Variants in MYO16 observed in about 807,000 individuals in gnomAD.
MYO16 encodes the protein unconventional myosin-XVI.
A neutral mutation model predicts 205.3 loss-of-function variants in MYO16; 94 were observed. The ratio of observed to expected loss-of-function variants is 0.46; its 90% CI spans 0.39 to 0.54. MYO16 has a LOEUF of 0.54. Ranked by LOEUF, MYO16 falls within the 20% of genes least tolerant of loss-of-function variation. MYO16 has a pLI of 0.00. For synonymous variants in MYO16, 988 were observed against 954.0 expected, an observed-to-expected ratio of 1.04 and a Z score of -0.66; for missense variants, 2,315 against 2,387.5, an observed-to-expected ratio of 0.97 and a Z score of 0.63.
intron 28 of MYO16, among the ~76,000 whole-genome samples, chr13:109,116,623 T>TTCAAC (rs1875701794): frequency 6.6e-6 from 1 of 152,198 alleles, no homozygotes; most frequent in Admixed American, 6.5e-5. Flanking sequence ...TCAACCTCTG[T>TTCAAC]GTCTACTCTT....
intron 2 of MYO16, among the ~76,000 whole-genome samples, chr13:108,676,704 A>G (rs1366036167): frequency 6.6e-6 from 1 of 152,192 alleles, no homozygotes; most frequent in Non-Finnish European, 1.5e-5. Flanking sequence ...GCTGCAAGTT[A>G]CGGGACAAAC....
chr13:108,809,253 A>G (rs2138988526), intron 7 of MYO16, among the ~76,000 whole-genome samples: 1 of 152,336 alleles, frequency 6.6e-6, no homozygotes, highest in African/African-American at 2.4e-5. Context: ...GCTACAAAAC[A>G]TTTGACCTGA....
At chr13:108,840,983 C>T (rs9514930) in intron 9 of MYO16, among the ~76,000 whole-genome samples, 15,745 of 152,184 alleles carry the variant, frequency 0.1, 1,063 homozygotes, top group Non-Finnish European at 0.15. Flanking sequence ...ACTGATTTAT[C>T]AATTGAATGC....
intron 32 of MYO16, among the ~76,000 whole-genome samples, chr13:109,153,745 C>T (rs549475620): frequency 4.6e-5 from 7 of 151,942 alleles, no homozygotes; most frequent in East Asian, 1.9e-4. Context: ...GGCGACAGGG[C>T]GAGACTCTGT....
intron 9 of MYO16, among the ~76,000 whole-genome samples, chr13:108,824,682 T>A (rs1022120323): frequency 4.6e-5 from 7 of 152,092 alleles, no homozygotes; most frequent in African/African-American, 1.4e-4. Flanking sequence ...TTCTTTTCAA[T>A]TGAACATGGA....
intron 23 of MYO16, among the ~76,000 whole-genome samples, chr13:109,041,818 A>C (rs1886892104): frequency 6.6e-6 from 1 of 152,004 alleles, no homozygotes; most frequent in African/African-American, 2.4e-5. Flanking sequence ...TAGACACAAT[A>C]AAGGGCATAA....
chr13:109,057,196 T>C (rs1024024862), intron 27 of MYO16, among the ~76,000 whole-genome samples: 1 of 152,206 alleles, frequency 6.6e-6, no homozygotes, highest in Non-Finnish European at 1.5e-5. Flanking sequence ...CATTTACTTA[T>C]TGTGCATTTT....
Position 109,127,343 on chromosome 13 carries a change from G to A in MYO16, c.3844G>A (p.Val1282Met), listed in dbSNP as rs754862905. 25 of 1,612,548 alleles carry A rather than the reference G, an allele frequency of 1.6e-5. No individual in the cohort carries two copies. The South Asian group carries it at 2.6e-4, about 17-fold the overall frequency. The change falls in exon 31 of 35, where the codon GTG (valine) becomes ATG (methionine). Residue 1282 changes from valine to methionine, a missense_variant. Val to Met is a conservative substitution (Grantham distance 21). This residue lies in a region of MYO16 where 1,097 missense variants were observed against 1,092.0 expected (regional missense o/e 1.00). Transcript: ENST00000457511. This position sits in a 1 kb window ranked among gnomAD's most constrained non-coding sequence, Gnocchi z 4.2. ...CAGCTCCATGTCAGTCTGCGCGGCC[G>A]TGGATGGCCTGGGCCAGTGCCTCGT... ...HPSSMSVCAA[V>M]DGLGQCLVGP...
intron 31 of MYO16, among the ~76,000 whole-genome samples, chr13:109,129,153 G>A (rs1022778553): frequency 1.6e-4 from 24 of 149,846 alleles, no homozygotes; most frequent in Non-Finnish European, 1.5e-5. Context: ...ACTCTTCAAA[G>A]TGCTTTTTAT....
intron 34 of MYO16, among the ~76,000 whole-genome samples, chr13:109,195,240 T>C (rs1372385113): frequency 3.3e-5 from 5 of 152,168 alleles, no homozygotes. Context: ...ATAAAACTTT[T>C]AACGTGCCTT....
rs1286891149 is a variant in MYO16, at chr13:108,985,957, G to T, written c.2370-6419G>T. ...AGACTGGGTAATTTATTAAGAAAAA[G>T]AGGTTTAATGGACTCACAGTTCCAC... On this transcript the variant is annotated intron_variant, in intron 20 of 34. Coordinates refer to ENST00000457511, the MANE Select transcript of MYO16 (RefSeq NM_001198950.3). Among the ~76,000 whole-genome samples the T allele has an allele frequency of 2.6e-5, 4 of 152,278 alleles. No individual in the cohort carries two copies. The East Asian group carries it at 7.7e-4, about 29-fold the overall frequency.
chr13:109,053,919 T>C (rs1305171724), intron 25 of MYO16, among the ~76,000 whole-genome samples: 7 of 152,080 alleles, frequency 4.6e-5, no homozygotes, highest in Admixed American at 4.6e-4. Context: ...TCACTTTAGA[T>C]TGACAGTACA....
At chr13:109,155,222 C>G (rs1333389428) in intron 32 of MYO16, among the ~76,000 whole-genome samples, 3 of 152,152 alleles carry the variant, frequency 2.0e-5, no homozygotes, top group Non-Finnish European at 4.4e-5. Flanking sequence ...CCATCTCCTT[C>G]GACTTGGCGG....
chr13:108,561,555 A>G, the MYO16 span, among the ~76,000 whole-genome samples: 3 of 152,366 alleles, frequency 2.0e-5, no homozygotes, highest in East Asian at 5.8e-4. Flanking sequence ...GAGGTTAGGT[A>G]TTATAAAGTG....
chr13:109,128,168 C>T (rs146583902), intron 31 of MYO16, among the ~76,000 whole-genome samples: 64 of 152,232 alleles, frequency 4.2e-4, no homozygotes, highest in East Asian at 2.3e-3. Context: ...TGCTTCTTAG[C>T]GGAACACTTA....
Position 109,055,244 on chromosome 13 carries a change from CAT to C in MYO16, c.3129+120_3129+121del, listed in dbSNP as rs1031391399. On this transcript the variant is annotated intron_variant, in intron 26 of 34. Coordinates refer to ENST00000457511, the MANE Select transcript of MYO16 (RefSeq NM_001198950.3). This position sits in a 1 kb window ranked among gnomAD's most constrained non-coding sequence, Gnocchi z 5.0. ...TAAATATCTTCACAAAAAAAGTAAACATACACACACACACACACACACACACA... is the reference window on the plus strand; with the variant it reads ...TAAATATCTTCACAAAAAAAGTAAACACACACACACACACACACACACACA... 10 of 813,478 alleles carry C rather than the reference CAT, an allele frequency of 1.2e-5. No individual in the cohort carries two copies. The African/African-American group carries it at 1.7e-4, about 14-fold the overall frequency. The allele number at this position is 813,478 out of a possible 1,614,324, so 50.4% of individuals were successfully genotyped here.
chr13:108,894,217 C>T (rs1880306648), intron 14 of MYO16, among the ~76,000 whole-genome samples: 1 of 152,068 alleles, frequency 6.6e-6, no homozygotes, highest in African/African-American at 2.4e-5. Context: ...ACTCAATCAC[C>T]CCCCACCGGG....
chr13:109,136,791 A>G (rs1190129421), intron 31 of MYO16, among the ~76,000 whole-genome samples: 3 of 152,066 alleles, frequency 2.0e-5, no homozygotes, highest in East Asian at 3.8e-4. Context: ...AGCTCCTCCC[A>G]TGTCCCAAAG....
chr13:108,859,560 G>A (rs1009699004), intron 11 of MYO16, among the ~76,000 whole-genome samples: 8 of 152,188 alleles, frequency 5.3e-5, no homozygotes, highest in African/African-American at 1.4e-4. Context: ...CTATTTGGAC[G>A]TTAGATTAGG....
Sources: gnomAD v4.1 joint callset for allele counts (sites outside exome capture counted in the v4.1 genomes callset) on GRCh38, gnomAD v4.1.1 for gene constraint, gnomAD v4.1.1 regional missense constraint, Gnocchi (gnomAD v3.1) non-coding constraint, MANE v1.5 for transcripts, NCBI Gene and HGNC (gene_info 2026-07-23, HGNC 2026-07-21) for gene names.